MACC1: variants seen among roughly 807,000 people sequenced by gnomAD.
MACC1 encodes the protein metastasis-associated in colon cancer protein 1.
In MACC1, 79 loss-of-function variants were observed where a neutral mutation model predicts 70.7. That is an observed-to-expected ratio of 1.12 (90% confidence interval 0.93 to 1.35). The LOEUF (loss-of-function observed/expected upper bound fraction) is 1.35, where lower values mean the gene tolerates loss of function less well. Among genes scored for constraint, MACC1 ranks in the 40% most tolerant of loss-of-function variants. The pLI, the probability that MACC1 is intolerant of heterozygous loss-of-function variation, is 0.00. For missense variants in MACC1, 1,106 were observed against 978.1 expected (o/e 1.13, Z -1.74); for synonymous variants, 361 against 347.2 (o/e 1.04, Z -0.44).
chr7:20,171,572 A>G lies in MACC1; in HGVS notation c.-217-794T>C, dbSNP rs186700863. ...CCCGGCTGATTATTTTCTTTCTTAG[A>G]GACAATTATATCTGTTTTTTTTTTT... On this transcript the variant is annotated intron_variant, in intron 1 of 6. Coordinates refer to ENST00000400331, the MANE Select transcript of MACC1 (RefSeq NM_182762.4). 2.7e-4 allele frequency among the ~76,000 whole-genome samples: 40 copies of G among 148,570 alleles called. 3 individuals are homozygous for G. The highest frequency in any genetic ancestry group is 9.0e-4 in the African/African-American group (36 of 40,112).
rs145398530 is a variant in MACC1 at position 20,171,211 on chromosome 7, C to T, written c.-217-433G>A. Among the ~76,000 whole-genome samples the T allele has an allele frequency of 2.6e-4, 39 of 152,030 alleles. 3 individuals are homozygous for T. Among genetic ancestry groups the T allele is most frequent in the African/African-American group, 8.7e-4 (36 of 41,462 alleles). On this transcript the variant is annotated intron_variant, in intron 1 of 6. Transcript: ENST00000400331. ...AAGTATTTTTGTTATTATTAATGCTCCACTGATTTCTGATTACTAGAAACT... is the reference window on the plus strand; with the variant it reads ...AAGTATTTTTGTTATTATTAATGCTTCACTGATTTCTGATTACTAGAAACT...
At chr7:20,157,490 A>G (rs1782071250) in intron 5 of MACC1, among the ~76,000 whole-genome samples, 1 of 151,808 alleles carries the variant, frequency 6.6e-6, no homozygotes, top group South Asian at 2.1e-4. Context: ...TAATACATTA[A>G]AAAAAAGAAA....
rs780283714 is a variant in MACC1 at position 20,158,318 on chromosome 7, A to C, written c.2043T>G (p.Phe681Leu). 3 of 1,613,646 alleles carry C rather than the reference A, an allele frequency of 1.9e-6. No individual in the cohort carries two copies. In the South Asian group the frequency reaches 3.3e-5, roughly 18 times the overall value. The change falls in exon 5 of 7, where the codon TTT (phenylalanine) becomes TTG (leucine). Residue 681 changes from phenylalanine (F) to leucine (L), a missense_variant. Transcript: ENST00000400331. ...LGYSHLSLED[F>L]DQIQADKESE... is the part of the protein sequence containing the mutation. Reference sequence around the variant, plus strand: ...ATTCTTTGTCTGCTTGAATTTGATCAAAATCTTCCAGGGACAGATGTGAGT... The same window carrying C: ...ATTCTTTGTCTGCTTGAATTTGATCCAAATCTTCCAGGGACAGATGTGAGT...
chr7:20,195,779 C>T (rs1381461977), intron 1 of MACC1, among the ~76,000 whole-genome samples: 1 of 152,104 alleles, frequency 6.6e-6, no homozygotes, highest in Non-Finnish European at 1.5e-5. Context: ...ATCTTGAGGC[C>T]AATGCTTCTT....
At position 20,159,975 on chromosome 7, in the gene MACC1, G is replaced by C. The variant is rs544090224; in HGVS notation, c.386C>G (p.Thr129Ser). The C allele has an allele frequency of 7.4e-6, 12 of 1,613,996 alleles. No homozygotes were observed. In the East Asian group the frequency reaches 2.4e-4, roughly 33 times the overall value. ...AGATCTTCCAGAATTTCTTGAGGAAGTCTGCCTAAGTAACTGATGCACATC... is the reference window on the plus strand; with the variant it reads ...AGATCTTCCAGAATTTCTTGAGGAACTCTGCCTAAGTAACTGATGCACATC... ...ELDVHQLLRQ[T>S]SSRNSGRSKS... The change falls in exon 5 of 7, where the codon ACT (threonine) becomes AGT (serine). Residue 129 changes from threonine to serine, a missense_variant. Transcript: ENST00000400331.
chr7:20,162,856 T>A (rs986827439), intron 3 of MACC1, among the ~76,000 whole-genome samples: 2 of 152,138 alleles, frequency 1.3e-5, no homozygotes, highest in Non-Finnish European at 2.9e-5. Context: ...CGTCTTTATG[T>A]TTTCTGGGAA....
At chr7:20,191,497 A>AGTT (rs1179571540) in intron 1 of MACC1, among the ~76,000 whole-genome samples, 1 of 152,082 alleles carries the variant, frequency 6.6e-6, no homozygotes, top group African/African-American at 2.4e-5. Flanking sequence ...GCTCTGTAGG[A>AGTT]GTTGGTGCTA....
At chr7:20,210,730 G>T (rs972509543) in intron 1 of MACC1, among the ~76,000 whole-genome samples, 2 of 152,148 alleles carry the variant, frequency 1.3e-5, no homozygotes, top group African/African-American at 4.8e-5. Flanking sequence ...CTTGTTCACT[G>T]CTATATCCCA....
rs772319490 is a variant in MACC1 at position 20,154,376 on chromosome 7, A to G, written c.2163T>C (p.Leu721=). The part of the protein sequence containing the change: ...RKFLYELIVA[L]LKMDCQELVA... ...CTAACTCTTGGCAATCCATTTTCAG[A>G]AGAGCCTGCAGCAACAATTACATGT... The change falls in exon 6 of 7, where the codon CTT becomes CTC. Residue 721 remains leucine, a synonymous_variant. Coordinates refer to ENST00000400331, the MANE Select transcript of MACC1 (RefSeq NM_182762.4). 2 of 1,612,842 alleles carry G rather than the reference A, an allele frequency of 1.2e-6. No homozygotes were observed. The highest frequency in any genetic ancestry group is 2.2e-5 in the South Asian group (2 of 90,958).
intron 1 of MACC1, among the ~76,000 whole-genome samples, chr7:20,190,916 T>C (rs936142044): frequency 6.6e-6 from 1 of 152,244 alleles, no homozygotes; most frequent in African/African-American, 2.4e-5. Flanking sequence ...ATTGTTACTA[T>C]GTACACAGAG....
chr7:20,160,072 T>A lies in MACC1; in HGVS notation c.289A>T (p.Lys97Ter), dbSNP rs754091567. ...CTACAGAAAAGAAAAGGATCTTCCT[T>A]TAAGATGGAAATATTATTTCTCTTC... is the stretch of plus-strand genomic sequence containing the variant. ...NRKRNNISIL[K>*]EDPFLFCREI... Residue 97 changes from lysine to a stop codon, truncating the protein, a stop_gained, in exon 5 of 7, where the codon AAG becomes TAG. Coordinates refer to ENST00000400331, the MANE Select transcript of MACC1 (RefSeq NM_182762.4). LOFTEE classifies it high-confidence loss of function. 5 of 1,610,808 alleles carry A rather than the reference T, an allele frequency of 3.1e-6. No individual in the cohort carries two copies. The East Asian group carries it at 6.7e-5, about 22-fold the overall frequency.
At chr7:20,185,098 T>C (rs1782566082) in intron 1 of MACC1, 2 of 152,160 alleles carry the variant, frequency 1.3e-5, no homozygotes, top group Admixed American at 1.3e-4. Context: ...TTGTGAAGAA[T>C]AAATAATATC....
At position 20,172,875 on chromosome 7, in the gene MACC1, G is replaced by C. The variant is rs574398395; in HGVS notation, c.-217-2097C>G. Among the ~76,000 whole-genome samples, 7 of 152,302 alleles carry C rather than the reference G, an allele frequency of 4.6e-5. No homozygotes were observed. The East Asian group carries it at 1.3e-3, about 29-fold the overall frequency. ...TGTGCTGCTCTGGGGAAGCTAGTGG[G>C]TTCCTTGTGATCAGCTGGGGAGACG... On this transcript the variant is annotated intron_variant, in intron 1 of 6. Coordinates refer to ENST00000400331, the MANE Select transcript of MACC1 (RefSeq NM_182762.4).
intron 3 of MACC1, among the ~76,000 whole-genome samples, chr7:20,162,544 T>A (rs1250829030): frequency 6.6e-6 from 1 of 152,104 alleles, no homozygotes; most frequent in African/African-American, 2.4e-5. Flanking sequence ...GCATTTATCA[T>A]AAATAGGCTC....
At chr7:20,177,106 A>G (rs1782405239) in intron 1 of MACC1, among the ~76,000 whole-genome samples, 1 of 152,140 alleles carries the variant, frequency 6.6e-6, no homozygotes. Flanking sequence ...ACAGTTATGT[A>G]AGATGGTCCC....
chr7:20,141,082 T>G lies in MACC1; in HGVS notation c.2423A>C (p.Gln808Pro), dbSNP rs201822470. 3 of 1,613,822 alleles carry G rather than the reference T, an allele frequency of 1.9e-6. No homozygotes were observed. The East Asian group carries it at 6.7e-5, about 36-fold the overall frequency. The change falls in exon 7 of 7, where the codon CAA becomes CCA. Residue 808 changes from glutamine (Q) to proline (P), a missense_variant. By Grantham distance (76) the Gln-to-Pro change is moderately conservative. Coordinates refer to ENST00000400331, the MANE Select transcript of MACC1 (RefSeq NM_182762.4). ...TCTGTCCAAAGCTGACTGAAGGTCTTGTAACACATCTCTGTAGTTATTTCC... is the reference window on the plus strand; with the variant it reads ...TCTGTCCAAAGCTGACTGAAGGTCTGGTAACACATCTCTGTAGTTATTTCC... ...HYGNNYRDVL[Q>P]DLQSALDRMK...
chr7:20,183,878 T>C (rs1562595354), intron 1 of MACC1, among the ~76,000 whole-genome samples: 3 of 152,018 alleles, frequency 2.0e-5, no homozygotes, highest in Non-Finnish European at 4.4e-5. Context: ...CAGCTAATTT[T>C]TGTATTTTTA....
chr7:20,143,333 C>T (rs191722535), intron 6 of MACC1, among the ~76,000 whole-genome samples: 4 of 152,284 alleles, frequency 2.6e-5, no homozygotes, highest in Non-Finnish European at 4.4e-5. Flanking sequence ...CATGCACTTA[C>T]GCAGAGCACC....
intron 1 of MACC1, among the ~76,000 whole-genome samples, chr7:20,181,472 A>G (rs1782505665): frequency 6.6e-6 from 1 of 152,092 alleles, no homozygotes; most frequent in Non-Finnish European, 1.5e-5. Flanking sequence ...GGAACAAATG[A>G]CTGCTTAAGC....
Sources: allele counts gnomAD v4.1 joint callset (sites outside exome capture counted in the v4.1 genomes callset), GRCh38; gene constraint gnomAD v4.1.1; transcripts MANE v1.5; gene names NCBI Gene and HGNC (gene_info 2026-07-23, HGNC 2026-07-21).